The following GNAT2 variants were observed in gnomAD, a reference collection of about 807,000 sequenced individuals.
GNAT2 encodes G protein subunit alpha transducin 2, also known as guanine nucleotide-binding protein G(t) subunit alpha-2.
Under a neutral mutation model 40.9 loss-of-function variants are expected in GNAT2, and 32 were observed. That is an observed-to-expected ratio of 0.78 (90% CI 0.59 to 1.05). The LOEUF is 1.05. Among genes scored for constraint, GNAT2 ranks in the 50% least tolerant of loss-of-function variants. The pLI is 0.00. For synonymous variants in GNAT2, 141 were observed against 157.2 expected (o/e 0.90, Z 0.77); for missense variants, 355 against 431.5 (o/e 0.82, Z 1.57).
At position 109,603,431 on chromosome 1, in the gene GNAT2, G is replaced by T; in HGVS notation, c.988C>A (p.Gln330Lys). The change falls in exon 9 of 9, where the codon CAG (glutamine) becomes AAG (lysine). Residue 330 changes from glutamine (Q) to lysine (K), a missense_variant. Physicochemically the swap from Gln to Lys is moderately conservative, Grantham distance 53 (BLOSUM62 1). Coordinates refer to ENST00000679935, the MANE Select transcript of GNAT2 (RefSeq NM_001377295.2). ...YSHMTCATDT[Q>K]NVKFVFDAVT... The stretch of plus-strand genomic sequence containing the variant: ...GCATCAAACACAAATTTGACATTCT[G>T]TGTATCTGTAGCACAGGTCATGTGA... 6.2e-7 allele frequency: 1 copy of T among 1,601,504 alleles called. No individual in the cohort carries two copies.
In GNAT2 at chr1:109,606,561, G is replaced by A; in HGVS notation, c.462-125C>T. Reference sequence around the variant, plus strand: ...AGAAATCAGGACTAGAAGCCATATTGTTAAATTTAGGATTCTTTCCTTCAA... The same window carrying A: ...AGAAATCAGGACTAGAAGCCATATTATTAAATTTAGGATTCTTTCCTTCAA... On this transcript the variant is annotated intron_variant, in intron 5 of 8. Transcript: ENST00000679935. The A allele has an allele frequency of 3.8e-6, 3 of 796,840 alleles. No individual in the cohort carries two copies. The Admixed American group carries it at 5.8e-5, about 15-fold the overall frequency. The allele number at this position is 796,840 out of a possible 1,614,324, so 49.4% of individuals were successfully genotyped here.
intron 7 of GNAT2, 47 bp from the exon 8 acceptor site, chr1:109,604,151 A>G: frequency 3.5e-6 from 5 of 1,423,412 alleles, no homozygotes; most frequent in Non-Finnish European, 4.0e-6. Flanking sequence ...GGCTTATAGA[A>G]TATCTACCTA....
intron 1 of GNAT2, chr1:109,615,190 G>A (rs1649915625): frequency 6.6e-6 from 1 of 152,216 alleles, no homozygotes; most frequent in Non-Finnish European, 1.5e-5. Flanking sequence ...TAGATTAACT[G>A]AGACTTGAGA....
In GNAT2 at chr1:109,612,834, C is replaced by T. The variant is rs1257418304; in HGVS notation, c.37G>A (p.Ala13Thr). 6.2e-7 allele frequency: 1 copy of T among 1,613,308 alleles called. No homozygotes were observed. Among genetic ancestry groups the T allele is most frequent in the African/African-American group, 1.3e-5 (1 of 74,894 alleles). ...SGASAEDKEL[A>T]KRSKELEKKL... ...TTTTCTAGCTCCTTGGACCTCTTGG[C>T]CAGTTCTTTGTCCTCAGCACTGGCT... is the stretch of plus-strand genomic sequence containing the variant. The change falls in exon 2 of 9, where the codon GCC becomes ACC. Residue 13 changes from alanine to threonine, a missense_variant. Coordinates refer to ENST00000679935, the MANE Select transcript of GNAT2 (RefSeq NM_001377295.2).
chr1:109,610,053 T>A lies in GNAT2; in HGVS notation c.290A>T (p.Glu97Val), dbSNP rs1342662745. 1 of 1,614,026 alleles carries A rather than the reference T, an allele frequency of 6.2e-7. No individual in the cohort carries two copies. The highest frequency in any genetic ancestry group is 8.5e-7 in the Non-Finnish European group (1 of 1,179,974). Reference sequence around the variant, plus strand: ...GTAATCACATACCGCACAGCTTGGTTCAGCATAATCGATGCCCAGTGTGGT... The same window carrying A: ...GTAATCACATACCGCACAGCTTGGTACAGCATAATCGATGCCCAGTGTGGT... ...AMTTLGIDYA[E>V]PSCADDGRQL... Residue 97 changes from glutamate to valine, a missense_variant, in exon 4 of 9, where the codon GAA (glutamate) becomes GTA (valine). By Grantham distance (121) the Glu-to-Val change is moderately radical. Coordinates refer to ENST00000679935, the MANE Select transcript of GNAT2 (RefSeq NM_001377295.2).
chr1:109,605,801 CAGA>C, intron 7 of GNAT2, 166 bp downstream of exon 7: 1 of 659,664 alleles, frequency 1.5e-6, no homozygotes, highest in Non-Finnish European at 2.8e-6. Context: ...CTAGAACCTG[CAGA>C]AGAAGTTGTT....
rs1440813990 is a variant in GNAT2 at position 109,610,071 on chromosome 1, A to G, written c.272T>C (p.Leu91Pro). ...ILAIIRAMTT[L>P]GIDYAEPSCA... ...GCTTGGTTCAGCATAATCGATGCCCAGTGTGGTCATGGCCCGGATGATAGC... is the reference window on the plus strand; with the variant it reads ...GCTTGGTTCAGCATAATCGATGCCCGGTGTGGTCATGGCCCGGATGATAGC... The change falls in exon 4 of 9, where the codon CTG becomes CCG. Residue 91 changes from leucine to proline, a missense_variant. By Grantham distance (98) the Leu-to-Pro change is moderately conservative. Transcript: ENST00000679935. The G allele has an allele frequency of 6.2e-7, 1 of 1,614,112 alleles. No homozygotes were observed. Among genetic ancestry groups the G allele is most frequent in the South Asian group, 1.1e-5 (1 of 91,080 alleles).
intron 1 of GNAT2, 50 bp from the exon 2 acceptor site, chr1:109,612,973 A>T: frequency 1.2e-6 from 1 of 816,170 alleles, no homozygotes; most frequent in Non-Finnish European, 2.2e-6. Context: ...GAGTATCCCA[A>T]CTTGGCTCCC....
Position 109,606,378 on chromosome 1 carries a change from C to A in GNAT2, c.520G>T (p.Val174Leu), listed in dbSNP as rs1215776841. The A allele has an allele frequency of 6.2e-7, 1 of 1,610,764 alleles. No individual in the cohort carries two copies. The highest frequency in any genetic ancestry group is 1.3e-5 in the African/African-American group (1 of 74,856). Residue 174 changes from valine to leucine, a missense_variant, in exon 6 of 9, where the codon GTG (valine) becomes TTG (leucine). Physicochemically the swap from Val to Leu is conservative, Grantham distance 32 (BLOSUM62 1). Coordinates refer to ENST00000679935, the MANE Select transcript of GNAT2 (RefSeq NM_001377295.2). ...DPEYLPSEQDVLRSRVKTTGI... is the reference protein window; with the variant it reads ...DPEYLPSEQDLLRSRVKTTGI... ...GTGGTTTTGACTCTGGATCGGAGCA[C>A]ATCTTGCTCACTAGGGAGGTACTCA...
At chr1:109,617,542 T>C (rs956491725) in intron 1 of GNAT2, 9 of 152,264 alleles carry the variant, frequency 5.9e-5, no homozygotes, top group African/African-American at 2.2e-4. Flanking sequence ...ACTGAGATTC[T>C]TGCTGGTATG....
At chr1:109,610,231 TA>T in intron 3 of GNAT2, 50 bp from the exon 4 acceptor site, 1 of 1,595,540 alleles carries the variant, frequency 6.3e-7, no homozygotes, top group Non-Finnish European at 8.6e-7. Flanking sequence ...TAACCAGACC[TA>T]AGGGATTAGG....
chr1:109,615,198 A>G (rs1649915822), intron 1 of GNAT2: 2 of 152,256 alleles, frequency 1.3e-5, no homozygotes, highest in African/African-American at 4.8e-5. Context: ...CTGAGACTTG[A>G]GAGTTAAGTA....
intron 4 of GNAT2, 121 bp from the exon 5 acceptor site, chr1:109,608,909 A>T (rs1459206263): frequency 1.2e-6 from 1 of 802,866 alleles, no homozygotes. Context: ...TGGAAGCAGT[A>T]TCCAGTGAAG....
intron 7 of GNAT2, chr1:109,604,883 A>G (rs111754555): frequency 0.019 from 2,915 of 152,554 alleles, 45 homozygotes; most frequent in South Asian, 0.05. Flanking sequence ...TTAAGGTCTC[A>G]TAGACTTGTT....
chr1:109,608,663 A>G lies in GNAT2; in HGVS notation c.429T>C (p.Ala143=), dbSNP rs1649695144. The G allele has an allele frequency of 6.2e-7, 1 of 1,614,158 alleles. No homozygotes were observed. Among genetic ancestry groups the G allele is most frequent in the Non-Finnish European group, 8.5e-7 (1 of 1,179,998 alleles). The change falls in exon 5 of 9, where the codon GCT becomes GCC. Residue 143 remains alanine, a synonymous_variant. Transcript: ENST00000679935. ...DGGVQACFER[A]AEYQLNDSAS... is the part of the protein sequence containing the mutation. ...CGGAGTCATTAAGCTGGTATTCTGC[A>G]GCTCTCTCGAAGCAGGCTTGCACCC...
intron 1 of GNAT2, chr1:109,616,031 G>T (rs1649943312): frequency 6.6e-6 from 1 of 152,210 alleles, no homozygotes; most frequent in African/African-American, 2.4e-5. Context: ...TTACTGGATG[G>T]AAGTTCCCCT....
At position 109,603,451 on chromosome 1, in the gene GNAT2, A is replaced by G; in HGVS notation, c.968T>C (p.Met323Thr). The G allele has an allele frequency of 6.3e-7, 1 of 1,594,814 alleles. No individual in the cohort carries two copies. Among genetic ancestry groups the G allele is most frequent in the Non-Finnish European group, 8.6e-7 (1 of 1,162,242 alleles). The change falls in exon 9 of 9, where the codon ATG becomes ACG. Residue 323 changes from methionine (M) to threonine (T), a missense_variant. Met to Thr is a moderately conservative substitution (Grantham distance 81). Transcript: ENST00000679935. ...ATTCTGTGTATCTGTAGCACAGGTC[A>G]TGTGACTGTAGATTTCTTTGACATC... ...RKDVKEIYSH[M>T]TCATDTQNVK...
Position 109,604,023 on chromosome 1 carries a change from G to A in GNAT2, c.802C>T (p.Leu268Phe). The A allele has an allele frequency of 6.2e-7, 1 of 1,608,132 alleles. No individual in the cohort carries two copies. Among genetic ancestry groups the A allele is most frequent in the South Asian group, 1.1e-5 (1 of 90,962 alleles). Residue 268 changes from leucine (L) to phenylalanine (F), a missense_variant, in exon 8 of 9, where the codon CTC (leucine) becomes TTC (phenylalanine). Transcript: ENST00000679935. ...FFAATSIVLF[L>F]NKKDLFEEKI... ...TCCTCAAAGAGGTCCTTCTTGTTGA[G>A]AAAGAGGACAATGGAAGTAGCCGCA... is the stretch of plus-strand genomic sequence containing the variant.
chr1:109,619,419 C>G (rs1310886637), intron 1 of GNAT2, 64 bp downstream of exon 1: 1 of 152,278 alleles, frequency 6.6e-6, no homozygotes, highest in Non-Finnish European at 1.5e-5. Flanking sequence ...AGAGTTAAAG[C>G]TCTTAACCAC....
Sources: allele counts gnomAD v4.1 joint callset, GRCh38; gene constraint gnomAD v4.1.1; transcripts MANE v1.5; gene names NCBI Gene and HGNC (gene_info 2026-07-23, HGNC 2026-07-21).